ELOVL5: variants seen among roughly 807,000 people sequenced by gnomAD.
ELOVL5 encodes the protein very long chain fatty acid elongase 5.
A neutral mutation model predicts 38.6 loss-of-function variants in ELOVL5; 8 were observed. The ratio of observed to expected loss-of-function variants is 0.21; its 90% CI spans 0.12 to 0.37. The LOEUF (loss-of-function observed/expected upper bound fraction) is 0.37, where lower values mean the gene tolerates loss of function less well. ELOVL5 is among the 10% of genes least tolerant of loss of function. The pLI, the probability that ELOVL5 is intolerant of heterozygous loss-of-function variation, is 1.00. For missense variants in ELOVL5, 280 were observed against 367.8 expected (o/e 0.76, Z 1.95); for synonymous variants, 127 against 133.7 (o/e 0.95, Z 0.34).
intron 1 of ELOVL5, among the ~76,000 whole-genome samples, chr6:53,315,044 T>C (rs1265616432): frequency 6.6e-6 from 1 of 152,262 alleles, no homozygotes; most frequent in Non-Finnish European, 1.5e-5. Context: ...CTTGGCCAGC[T>C]TGTGCTGCTA....
At chr6:53,277,156 G>GA (rs1459645649) in intron 3 of ELOVL5, 1 of 153,712 alleles carries the variant, frequency 6.5e-6, no homozygotes. Flanking sequence ...CAGGGAACAA[G>GA]AGGTGATTAC....
chr6:53,300,034 T>C (rs1271453602), intron 1 of ELOVL5, among the ~76,000 whole-genome samples: 2 of 152,114 alleles, frequency 1.3e-5, no homozygotes, highest in Admixed American at 6.6e-5. Flanking sequence ...AAGGGGCAGG[T>C]AGAGGTAGGC....
chr6:53,275,838 A>T (rs1158451065), intron 4 of ELOVL5, among the ~76,000 whole-genome samples: 1 of 152,184 alleles, frequency 6.6e-6, no homozygotes, highest in Non-Finnish European at 1.5e-5. Flanking sequence ...TATTTTTAAC[A>T]CCACTACTCG....
At chr6:53,338,250 A>C (rs550957614) in intron 1 of ELOVL5, among the ~76,000 whole-genome samples, 1 of 152,110 alleles carries the variant, frequency 6.6e-6, no homozygotes, top group South Asian at 2.1e-4. Flanking sequence ...TCAAGCCTGA[A>C]CTCTGTACCA....
intron 1 of ELOVL5, among the ~76,000 whole-genome samples, chr6:53,307,500 T>C (rs1328166701): frequency 6.6e-6 from 1 of 152,262 alleles, no homozygotes; most frequent in African/African-American, 2.4e-5. Context: ...ATTATCATCA[T>C]TACAGAGACC....
intron 3 of ELOVL5, among the ~76,000 whole-genome samples, chr6:53,288,844 T>C (rs918288935): frequency 2.6e-5 from 4 of 152,302 alleles, no homozygotes; most frequent in African/African-American, 9.6e-5. Flanking sequence ...GGTGGGTGGA[T>C]TGCTTGAGCC....
chr6:53,269,333 T>C (rs1421303754), intron 7 of ELOVL5, 63 bp from the exon 8 acceptor site: 6 of 1,374,842 alleles, frequency 4.4e-6, no homozygotes, highest in East Asian at 2.4e-5. Flanking sequence ...GGAACTTTAC[T>C]GAGAATTGCA....
At chr6:53,344,480 T>C (rs966747199) in intron 1 of ELOVL5, among the ~76,000 whole-genome samples, 2 of 152,152 alleles carry the variant, frequency 1.3e-5, no homozygotes, top group Non-Finnish European at 2.9e-5. Context: ...CTCATTCTTA[T>C]TCAAAAGCTT....
chr6:53,324,933 T>C (rs1768470890), intron 1 of ELOVL5, among the ~76,000 whole-genome samples: 1 of 152,158 alleles, frequency 6.6e-6, no homozygotes, highest in South Asian at 2.1e-4. Flanking sequence ...TGATATTGCA[T>C]AAATAAGTAC....
At chr6:53,312,341 C>CA (rs1221346796) in intron 1 of ELOVL5, among the ~76,000 whole-genome samples, 1 of 152,120 alleles carries the variant, frequency 6.6e-6, no homozygotes, top group Non-Finnish European at 1.5e-5. Flanking sequence ...ATGGTATATC[C>CA]ACACCACGGA....
intron 1 of ELOVL5, among the ~76,000 whole-genome samples, chr6:53,324,252 CAAA>C (rs59453946): frequency 5.2e-4 from 57 of 110,322 alleles, no homozygotes; most frequent in Admixed American, 7.3e-4. Flanking sequence ...GACTCTACCT[CAAA>C]AAAAAAAAAA....
At chr6:53,301,790 A>C (rs946523395) in intron 1 of ELOVL5, among the ~76,000 whole-genome samples, 11 of 152,328 alleles carry the variant, frequency 7.2e-5, no homozygotes, top group Non-Finnish European at 1.3e-4. Flanking sequence ...CTAATTTAAA[A>C]AGCCGCTTCC....
At chr6:53,344,099 T>G (rs1769440106) in intron 1 of ELOVL5, among the ~76,000 whole-genome samples, 1 of 152,238 alleles carries the variant, frequency 6.6e-6, no homozygotes, top group South Asian at 2.1e-4. Flanking sequence ...AGATGAAATG[T>G]GGTAGAAACA....
intron 1 of ELOVL5, among the ~76,000 whole-genome samples, chr6:53,307,168 G>A (rs1581960622): frequency 6.6e-6 from 1 of 152,324 alleles, no homozygotes; most frequent in South Asian, 2.1e-4. Context: ...TGAGGAACAG[G>A]AAAGTGACAG....
At position 53,269,277 on chromosome 6, in the gene ELOVL5, T is replaced by C. The variant is rs948474141; in HGVS notation, c.757-7A>G. The C allele has an allele frequency of 6.2e-6, 10 of 1,602,734 alleles. No individual in the cohort carries two copies. Among genetic ancestry groups the C allele is most frequent in the Admixed American group, 1.7e-5 (1 of 58,146 alleles). On this transcript the variant is annotated splice_region_variant and splice_polypyrimidine_tract_variant and intron_variant, in intron 7 of 7. Transcript: ENST00000304434. The stretch of plus-strand genomic sequence containing the variant: ...CCCCTTTCTTGTTGTAGGTCTAAAA[T>C]GTGTAAGGGCAGATGAGAACCAAAT...
At chr6:53,297,012 C>T (rs928382600) in intron 1 of ELOVL5, among the ~76,000 whole-genome samples, 9 of 152,128 alleles carry the variant, frequency 5.9e-5, no homozygotes, top group South Asian at 2.1e-4. Flanking sequence ...TGAGATGGGA[C>T]GTAGAGATAG....
intron 1 of ELOVL5, among the ~76,000 whole-genome samples, chr6:53,300,493 G>C (rs1767207606): frequency 6.6e-6 from 1 of 152,184 alleles, no homozygotes; most frequent in South Asian, 2.1e-4. Flanking sequence ...GAATAAAGGG[G>C]CTGGAATCAT....
intron 4 of ELOVL5, 135 bp from the exon 5 acceptor site, chr6:53,275,396 T>C: frequency 1.3e-6 from 1 of 790,852 alleles, no homozygotes; most frequent in Non-Finnish European, 2.0e-6. Flanking sequence ...GCTCTTAATG[T>C]CCATCAGTGG....
At chr6:53,302,121 CA>C (rs1359486701) in intron 1 of ELOVL5, among the ~76,000 whole-genome samples, 11 of 152,246 alleles carry the variant, frequency 7.2e-5, no homozygotes, top group African/African-American at 2.6e-4. Flanking sequence ...GCCTGGAATA[CA>C]AAAACCTGGA....
Sources: allele counts gnomAD v4.1 joint callset (sites outside exome capture counted in the v4.1 genomes callset), GRCh38; gene constraint gnomAD v4.1.1; transcripts MANE v1.5; gene names NCBI Gene and HGNC (gene_info 2026-07-23, HGNC 2026-07-21).